RELN: variants seen among roughly 807,000 people sequenced by gnomAD.
RELN encodes reelin.
In RELN, 108 loss-of-function variants were observed where a neutral mutation model predicts 427.6. That is an observed-to-expected ratio of 0.25 (90% CI 0.22 to 0.30). The LOEUF (loss-of-function observed/expected upper bound fraction) is 0.30, where lower values mean the gene tolerates loss of function less well. Ranked by LOEUF, RELN falls within the 10% of genes least tolerant of loss-of-function variation. The pLI, the probability that RELN is intolerant of heterozygous loss-of-function variation, is 1.00. For synonymous variants in RELN, 1,524 were observed against 1,513.4 expected, an observed-to-expected ratio of 1.01 and a Z score of -0.16; for missense variants, 3,715 against 4,302.8, an observed-to-expected ratio of 0.86 and a Z score of 3.82.
At chr7:103,773,295 CT>C (rs1211909301) in intron 4 of RELN, among the ~76,000 whole-genome samples, 1 of 127,004 alleles carries the variant, frequency 7.9e-6, no homozygotes, top group Non-Finnish European at 1.6e-5. Context: ...CTCGCTCCCT[CT>C]CTCTCTCCCT....
At chr7:103,804,220 T>C (rs979677027) in intron 3 of RELN, among the ~76,000 whole-genome samples, 4 of 152,116 alleles carry the variant, frequency 2.6e-5, no homozygotes, top group Admixed American at 2.6e-4. Flanking sequence ...GGGTTAAAAG[T>C]AAGGTTATTT....
chr7:103,551,004 G>T, intron 41 of RELN, 63 bp downstream of exon 41: 1 of 1,371,502 alleles, frequency 7.3e-7, no homozygotes, highest in South Asian at 1.2e-5. Context: ...GCAAGTGAAC[G>T]ATGACTTCAG....
rs1214647660 is a variant in RELN at position 103,620,418 on chromosome 7, T to C, written c.2703-8615A>G. Among the ~76,000 whole-genome samples the C allele has an allele frequency of 6.6e-6, 1 of 152,062 alleles. No individual in the cohort carries two copies. ...CTCCCTGACTCCTCTTTTTCTTATGTTGCATCCACATTATCTCCAGATTCG... is the reference window on the plus strand; with the variant it reads ...CTCCCTGACTCCTCTTTTTCTTATGCTGCATCCACATTATCTCCAGATTCG... On this transcript the variant is annotated intron_variant, in intron 20 of 64. Transcript: ENST00000428762. The surrounding 1 kb of genome is among the most constrained non-coding windows in gnomAD (Gnocchi z 4.1).
chr7:103,784,275 T>C (rs1275088442), intron 3 of RELN, among the ~76,000 whole-genome samples: 1 of 152,170 alleles, frequency 6.6e-6, no homozygotes. Context: ...TAACTTTAAT[T>C]TCCAGGAATA....
intron 8 of RELN, among the ~76,000 whole-genome samples, chr7:103,717,326 T>C (rs1789963265): frequency 6.7e-6 from 1 of 149,504 alleles, no homozygotes; most frequent in African/African-American, 2.4e-5. Context: ...ATATGTTTTA[T>C]ATATATATAT....
At chr7:103,882,391 A>C in intron 2 of RELN, among the ~76,000 whole-genome samples, 1 of 152,190 alleles carries the variant, frequency 6.6e-6, no homozygotes, top group East Asian at 1.9e-4. Context: ...TTATCTTTGA[A>C]TGGGATAATT....
intron 10 of RELN, among the ~76,000 whole-genome samples, chr7:103,689,838 G>A (rs1018148571): frequency 1.3e-5 from 2 of 152,132 alleles, no homozygotes; most frequent in Non-Finnish European, 2.9e-5. Context: ...CCAGGCTGAC[G>A]CTCTGAAAAC....
chr7:103,596,188 T>C (rs1283049115), intron 25 of RELN, among the ~76,000 whole-genome samples: 2 of 152,154 alleles, frequency 1.3e-5, no homozygotes, highest in Non-Finnish European at 2.9e-5. Flanking sequence ...TATTCCATGG[T>C]TTCTTTGAGT....
intron 2 of RELN, among the ~76,000 whole-genome samples, chr7:103,845,137 C>CA (rs34436191): frequency 1.6e-5 from 2 of 127,050 alleles, no homozygotes; most frequent in Non-Finnish European, 1.8e-5. Context: ...ACCGTTTTAT[C>CA]AAAAAAAAAT....
At chr7:103,909,836 T>TG in intron 2 of RELN, among the ~76,000 whole-genome samples, 1 of 36,960 alleles carries the variant, frequency 2.7e-5, no homozygotes, top group East Asian at 1.5e-3. Context: ...TATATATATT[T>TG]AATATATATA....
intron 8 of RELN, among the ~76,000 whole-genome samples, chr7:103,716,009 A>T (rs1789928314): frequency 6.6e-6 from 1 of 151,718 alleles, no homozygotes; most frequent in African/African-American, 2.4e-5. Flanking sequence ...CCCCTCCACC[A>T]CTCATGGCAA....
At chr7:103,830,060 A>C (rs547048197) in intron 3 of RELN, among the ~76,000 whole-genome samples, 1 of 152,212 alleles carries the variant, frequency 6.6e-6, no homozygotes, top group South Asian at 2.1e-4. Context: ...ACGTTAAAAA[A>C]TAAAGTAGAC....
Position 103,766,073 on chromosome 7 carries a change from G to T in RELN, c.544+10484C>A, listed in dbSNP as rs116751300. Among the ~76,000 whole-genome samples the T allele has an allele frequency of 6.0e-4, 91 of 152,276 alleles. 1 individual carries two copies. The highest frequency in any genetic ancestry group is 2.1e-3 in the African/African-American group (89 of 41,566). On this transcript the variant is annotated intron_variant, in intron 4 of 64. Transcript: ENST00000428762. ...GATCACTTAAGGATACTTTCTGCCTGCCATAGCCCCAGGAGGGCTTTAGTG... is the reference window on the plus strand; with the variant it reads ...GATCACTTAAGGATACTTTCTGCCTTCCATAGCCCCAGGAGGGCTTTAGTG...
At chr7:103,961,774 G>T (rs1464532334) in intron 1 of RELN, among the ~76,000 whole-genome samples, 2 of 152,140 alleles carry the variant, frequency 1.3e-5, no homozygotes, top group African/African-American at 4.8e-5. Flanking sequence ...GTGCATAAGA[G>T]TATCATTCCA....
intron 1 of RELN, among the ~76,000 whole-genome samples, chr7:103,951,608 C>T (rs1044549024): frequency 3.9e-5 from 6 of 152,170 alleles, no homozygotes; most frequent in African/African-American, 1.2e-4. Flanking sequence ...TCTTTCAACA[C>T]CCATTGCCAT....
At chr7:103,509,386 A>G (rs1264447589) in intron 51 of RELN, among the ~76,000 whole-genome samples, 1 of 152,216 alleles carries the variant, frequency 6.6e-6, no homozygotes, top group African/African-American at 2.4e-5. Context: ...CAAACCTGAC[A>G]AAAACAAGCA....
At chr7:103,767,317 T>A (rs1358818067) in intron 4 of RELN, among the ~76,000 whole-genome samples, 3 of 152,204 alleles carry the variant, frequency 2.0e-5, no homozygotes, top group Admixed American at 1.3e-4. Flanking sequence ...ATGTTTGATC[T>A]TTTTTTAACT....
intron 12 of RELN, among the ~76,000 whole-genome samples, chr7:103,656,529 T>C (rs552767647): frequency 2.6e-5 from 4 of 152,072 alleles, no homozygotes; most frequent in Non-Finnish European, 5.9e-5. Context: ...GTTTATGGGA[T>C]AGCAGTGAGT....
At chr7:103,854,949 A>G (rs1339321385) in intron 2 of RELN, among the ~76,000 whole-genome samples, 1 of 152,252 alleles carries the variant, frequency 6.6e-6, no homozygotes, top group African/African-American at 2.4e-5. Context: ...AGTATGAATT[A>G]TTTTGTGAGA....
Sources: gnomAD v4.1 joint callset for allele counts (sites outside exome capture counted in the v4.1 genomes callset) on GRCh38, gnomAD v4.1.1 for gene constraint, Gnocchi (gnomAD v3.1) non-coding constraint, MANE v1.5 for transcripts, NCBI Gene and HGNC (gene_info 2026-07-23, HGNC 2026-07-21) for gene names.